Variants in PHACTR2 observed in about 807,000 individuals in gnomAD.
PHACTR2 encodes chromosome 6 open reading frame 56.
Under a neutral mutation model 76.0 loss-of-function variants are expected in PHACTR2, and 30 were observed. The ratio of observed to expected loss-of-function variants is 0.39; its 90% CI spans 0.30 to 0.54. PHACTR2 has a LOEUF of 0.54. PHACTR2 is among the 20% of genes least tolerant of loss of function. The pLI is 0.61. For synonymous variants in PHACTR2, 292 were observed against 292.5 expected (o/e 1.00, Z 0.02); for missense variants, 696 against 781.1 (o/e 0.89, Z 1.30).
At chr6:143,769,977 A>G (rs1205915761) in intron 6 of PHACTR2, among the ~76,000 whole-genome samples, 2 of 152,206 alleles carry the variant, frequency 1.3e-5, no homozygotes, top group Non-Finnish European at 2.9e-5. Context: ...TAGAATTACC[A>G]TGTGATCCAG....
Position 143,678,291 on chromosome 6 carries a change from C to T in PHACTR2, c.46+82C>T, listed in dbSNP as rs1215964395. 2.3e-6 allele frequency: 3 copies of T among 1,301,310 alleles called. No homozygotes were observed. The highest frequency in any genetic ancestry group is 1.8e-5 in the South Asian group (1 of 56,656). 80.6% of individuals were successfully genotyped at this position (1,301,310 alleles called of 1,614,324 possible). On this transcript the variant is annotated intron_variant, in intron 1 of 12. Transcript: ENST00000440869. This position sits in a 1 kb window ranked among gnomAD's most constrained non-coding sequence, Gnocchi z 6.2. ...GGGCCCCGGGGCAGGCAGGGTTAGTCGTCTGGTCGGGTTCCGCTCGGACCC... is the reference window on the plus strand; with the variant it reads ...GGGCCCCGGGGCAGGCAGGGTTAGTTGTCTGGTCGGGTTCCGCTCGGACCC...
At chr6:143,609,155 C>T (rs191152429) in intron 1 of PHACTR2, among the ~76,000 whole-genome samples, 4 of 152,298 alleles carry the variant, frequency 2.6e-5, no homozygotes, top group South Asian at 2.1e-4. Context: ...CCTTGAGACA[C>T]GGTCAGCTCT....
rs10632120 is a variant in PHACTR2, at chr6:143,757,959, G to GCACACACACA, written c.455-2441_455-2440insACACACACAC. 3.7e-4 allele frequency among the ~76,000 whole-genome samples: 54 copies of GCACACACACA among 145,698 alleles called. No homozygotes were observed. Among genetic ancestry groups the GCACACACACA allele is most frequent in the Middle Eastern group, 3.5e-3 (1 of 288 alleles). Reference sequence around the variant, plus strand: ...CCTGCGTGTGTGTGCATGCACACGTGCGCGCACACACACACACACACACAC... The same window carrying GCACACACACA: ...CCTGCGTGTGTGTGCATGCACACGTGCACACACACACGCGCACACACACACACACACACAC... On this transcript the variant is annotated intron_variant, in intron 4 of 12. Coordinates refer to ENST00000440869, the MANE Select transcript of PHACTR2 (RefSeq NM_001100164.2). This position sits in a 1 kb window ranked among gnomAD's most constrained non-coding sequence, Gnocchi z 4.2.
Position 143,750,336 on chromosome 6 carries a change from C to T in PHACTR2, c.295+1271C>T. ...TTGAGACTTTTAAGAGTTAAAAATG[C>T]ACATTTCTAACTTTTTAAACTTAAA... On this transcript the variant is annotated intron_variant, in intron 3 of 12. Coordinates refer to ENST00000440869, the MANE Select transcript of PHACTR2 (RefSeq NM_001100164.2). The surrounding 1 kb of genome is among the most constrained non-coding windows in gnomAD (Gnocchi z 4.6). Among the ~76,000 whole-genome samples the T allele has an allele frequency of 6.6e-6, 1 of 152,122 alleles. No individual in the cohort carries two copies. Among genetic ancestry groups the T allele is most frequent in the East Asian group, 1.9e-4 (1 of 5,196 alleles).
At chr6:143,779,082 A>G (rs1775355461) in intron 9 of PHACTR2, among the ~76,000 whole-genome samples, 1 of 152,136 alleles carries the variant, frequency 6.6e-6, no homozygotes, top group African/African-American at 2.4e-5. Context: ...GAGGCTGATA[A>G]CTGGCTTATG....
Position 143,765,175 on chromosome 6 carries a change from ATGT to A in PHACTR2, c.695-80_695-78del, listed in dbSNP as rs1779527135. 8.9e-6 allele frequency: 9 copies of A among 1,016,944 alleles called. No homozygotes were observed. Among genetic ancestry groups the A allele is most frequent in the Non-Finnish European group, 1.3e-5 (9 of 685,310 alleles). The allele number at this position is 1,016,944 out of a possible 1,614,324, so 63.0% of individuals were successfully genotyped here. On this transcript the variant is annotated intron_variant, in intron 5 of 12. Transcript: ENST00000440869. The surrounding 1 kb of genome is among the most constrained non-coding windows in gnomAD (Gnocchi z 4.1). ...ACAAACTTTAAAGGGAACATTTTAA[ATGT>A]TGTTGACAGTTACACCTTGGTTACT...
At chr6:143,606,247 A>G (rs1281498254), upstream of PHACTR2, among the ~76,000 whole-genome samples, 1 of 109,730 alleles carries the variant, frequency 9.1e-6, no homozygotes, top group Non-Finnish European at 2.0e-5. Flanking sequence ...TGCATTTTGG[A>G]GCGAAACTTA....
chr6:143,710,138 G>A lies in PHACTR2; in HGVS notation c.47-1878G>A, dbSNP rs1430595142. Among the ~76,000 whole-genome samples the A allele has an allele frequency of 1.3e-5, 2 of 152,106 alleles. No homozygotes were observed. Among genetic ancestry groups the A allele is most frequent in the East Asian group, 1.9e-4 (1 of 5,190 alleles). Reference sequence around the variant, plus strand: ...GGTTATGTGGCTAGAGAGTGCAGACGTTTGTGGTCTGTGCCCATTGGTGTT... The same window carrying A: ...GGTTATGTGGCTAGAGAGTGCAGACATTTGTGGTCTGTGCCCATTGGTGTT... On this transcript the variant is annotated intron_variant, in intron 1 of 12. Transcript: ENST00000440869. The surrounding 1 kb of genome is among the most constrained non-coding windows in gnomAD (Gnocchi z 4.9).
At position 143,777,637 on chromosome 6, in the gene PHACTR2, GA is replaced by G. The variant is rs1272445852; in HGVS notation, c.1645+257del. Reference sequence around the variant, plus strand: ...TCATGGTCATGACAATTGTGTTTAAGAAAGATGAAATATATTCCATGTATTC... The same window carrying G: ...TCATGGTCATGACAATTGTGTTTAAGAAGATGAAATATATTCCATGTATTC... On this transcript the variant is annotated intron_variant, in intron 9 of 12. Coordinates refer to ENST00000440869, the MANE Select transcript of PHACTR2 (RefSeq NM_001100164.2). The surrounding 1 kb of genome is among the most constrained non-coding windows in gnomAD (Gnocchi z 4.6). 6.6e-6 allele frequency among the ~76,000 whole-genome samples: 1 copy of G among 151,956 alleles called. No individual in the cohort carries two copies. Among genetic ancestry groups the G allele is most frequent in the Non-Finnish European group, 1.5e-5 (1 of 68,000 alleles).
chr6:143,568,354 A>G (rs1775391752), intron 1 of PHACTR2, among the ~76,000 whole-genome samples: 1 of 152,222 alleles, frequency 6.6e-6, no homozygotes, highest in Non-Finnish European at 1.5e-5. Context: ...CTAAATTAAT[A>G]TTCAAAAATA....
chr6:143,734,557 A>G (rs373641377), intron 2 of PHACTR2, among the ~76,000 whole-genome samples: 5 of 152,234 alleles, frequency 3.3e-5, no homozygotes, highest in Admixed American at 3.3e-4. Context: ...CATGGATGCT[A>G]CTGATTTTGC....
chr6:143,640,509 AGG>A lies in PHACTR2; in HGVS notation c.13+32188_13+32189del, dbSNP rs538252443. On this transcript the variant is annotated intron_variant, in intron 1 of 11. Coordinates refer to the PHACTR2 transcript ENST00000305766. ...TGCAGAGATGGAGGAGAAGTGAGCC[AGG>A]AGACGAGGCTGGAAGGTGAAGCAGA... 6.7e-3 allele frequency among the ~76,000 whole-genome samples: 1,025 copies of A among 152,356 alleles called. 15 individuals carry two copies. Among genetic ancestry groups the A allele is most frequent in the African/African-American group, 0.023 (972 of 41,580 alleles).
intron 1 of PHACTR2, among the ~76,000 whole-genome samples, chr6:143,668,281 A>G (rs1777081014): frequency 1.3e-5 from 2 of 152,080 alleles, no homozygotes; most frequent in East Asian, 3.9e-4. Context: ...GTTTGCCAGT[A>G]TTTATTGAGG....
At position 143,742,134 on chromosome 6, in the gene PHACTR2, A is replaced by G. The variant is rs1373183037; in HGVS notation, c.215-6851A>G. Among the ~76,000 whole-genome samples, 1 of 151,730 alleles carries G rather than the reference A, an allele frequency of 6.6e-6. No homozygotes were observed. The highest frequency in any genetic ancestry group is 1.5e-5 in the Non-Finnish European group (1 of 67,966). On this transcript the variant is annotated intron_variant, in intron 2 of 12. Coordinates refer to ENST00000440869, the MANE Select transcript of PHACTR2 (RefSeq NM_001100164.2). The surrounding 1 kb of genome is among the most constrained non-coding windows in gnomAD (Gnocchi z 4.5). ...AAAAAAAAACAACAACATTTATTTG[A>G]TACTTTTTTGATTAGTCAGGGCTCT... is the stretch of plus-strand genomic sequence containing the variant.
chr6:143,817,044 T>A (rs1277405245), intron 12 of PHACTR2, among the ~76,000 whole-genome samples: 2 of 152,136 alleles, frequency 1.3e-5, no homozygotes, highest in African/African-American at 2.4e-5. Context: ...CCAGACTGTG[T>A]GACAGAGTGA....
chr6:143,798,585 T>C (rs1775883352), intron 11 of PHACTR2, among the ~76,000 whole-genome samples: 1 of 152,236 alleles, frequency 6.6e-6, no homozygotes, highest in Non-Finnish European at 1.5e-5. Context: ...CGATACCTAG[T>C]TTAGCATGAA....
chr6:143,567,590 G>A (rs1165788622), intron 1 of PHACTR2, among the ~76,000 whole-genome samples: 4 of 152,146 alleles, frequency 2.6e-5, no homozygotes, highest in African/African-American at 9.7e-5. Flanking sequence ...ATAGAGACAG[G>A]GTTTCACCAT....
intron 2 of PHACTR2, among the ~76,000 whole-genome samples, chr6:143,737,843 A>G (rs962825870): frequency 3.9e-5 from 6 of 152,244 alleles, no homozygotes; most frequent in Non-Finnish European, 7.3e-5. Flanking sequence ...CCAAAGGAAT[A>G]CTGTTCTTTA....
chr6:143,770,440 G>C (rs1016821996), intron 6 of PHACTR2, among the ~76,000 whole-genome samples: 6 of 152,174 alleles, frequency 3.9e-5, no homozygotes, highest in Admixed American at 3.9e-4. Flanking sequence ...TAGTTACACG[G>C]TAATGTGAAT....
Sources: gnomAD v4.1 joint callset for allele counts (sites outside exome capture counted in the v4.1 genomes callset) on GRCh38, gnomAD v4.1.1 for gene constraint, Gnocchi (gnomAD v3.1) non-coding constraint, MANE v1.5 for transcripts, NCBI Gene and HGNC (gene_info 2026-07-23, HGNC 2026-07-21) for gene names.